DOCK5: variants seen among roughly 807,000 people sequenced by gnomAD.
DOCK5 encodes the protein dedicator of cytokinesis 5, also known as dedicator of cytokinesis protein 5.
In DOCK5, 142 loss-of-function variants were observed where a neutral mutation model predicts 251.8. That is an observed-to-expected ratio of 0.56 (90% confidence interval 0.49 to 0.65). The LOEUF is 0.65. Ranked by LOEUF, DOCK5 falls within the 30% of genes least tolerant of loss-of-function variation. The probability of loss-of-function intolerance (pLI) is 0.00; values close to 1 mark genes in which losing one functional copy is unlikely to be tolerated. For synonymous variants in DOCK5, 842 were observed against 835.5 expected (o/e 1.01, Z -0.13); for missense variants, 2,111 against 2,312.3 (o/e 0.91, Z 1.79).
intron 29 of DOCK5, 71 bp from the exon 30 acceptor site, chr8:25,364,555 C>A: frequency 8.5e-7 from 1 of 1,179,284 alleles, no homozygotes; most frequent in South Asian, 1.3e-5. Flanking sequence ...TGGTTTAGTT[C>A]TTAATATAGG....
intron 2 of DOCK5, among the ~76,000 whole-genome samples, chr8:25,246,367 G>A (rs565403490): frequency 2.0e-5 from 3 of 152,100 alleles, no homozygotes; most frequent in Non-Finnish European, 4.4e-5. Flanking sequence ...TCCGTCTCCC[G>A]AGTTCAAGCG....
In DOCK5 at chr8:25,332,320, T is replaced by C. The variant is rs746885952; in HGVS notation, c.1973T>C (p.Met658Thr). ...ATTAAACACAACCTAAAGAAGTTAA[T>C]GGAAGTGGATGGAGGAGAGATTGTT... ...QNIKHNLKKL[M>T]EVDGGEIVKF... is the part of the protein sequence containing the mutation. Residue 658 changes from methionine to threonine, a missense_variant, in exon 19 of 52, where the codon ATG becomes ACG. Met to Thr is a moderately conservative substitution (Grantham distance 81). Around this residue, in one of 3 missense-constraint regions of DOCK5, gnomAD observed 1,717 missense variants for 1,892.4 expected, o/e 0.91. Coordinates refer to ENST00000276440, the MANE Select transcript of DOCK5 (RefSeq NM_024940.8). The C allele has an allele frequency of 7.4e-6, 12 of 1,613,526 alleles. No homozygotes were observed. Among genetic ancestry groups the C allele is most frequent in the Non-Finnish European group, 1.0e-5 (12 of 1,179,618 alleles).
chr8:25,353,175 A>G (rs1800501029), intron 27 of DOCK5, among the ~76,000 whole-genome samples: 1 of 152,122 alleles, frequency 6.6e-6, no homozygotes, highest in Non-Finnish European at 1.5e-5. Flanking sequence ...CATCTCTACA[A>G]AAATTTTTTA....
At chr8:25,392,303 CAAAAA>C (rs11309985) in intron 43 of DOCK5, among the ~76,000 whole-genome samples, 1 of 116,344 alleles carries the variant, frequency 8.6e-6, no homozygotes, top group Non-Finnish European at 1.8e-5. Context: ...GACTTCGTCT[CAAAAA>C]AAAAAAAAAA....
At chr8:25,408,770 G>T (rs758445223) in intron 49 of DOCK5, 32 bp from the exon 50 acceptor site, 1 of 1,612,162 alleles carries the variant, frequency 6.2e-7, no homozygotes, top group Admixed American at 1.7e-5. Context: ...TCCTCACCGT[G>T]AAAATGTTTT....
intron 18 of DOCK5, among the ~76,000 whole-genome samples, chr8:25,331,795 TATATATAG>T (rs1194326562): frequency 1.9e-4 from 7 of 36,496 alleles, no homozygotes; most frequent in Admixed American, 8.9e-4. Context: ...TATATATATA[TATATATAG>T]AGAGAGAGAG....
At chr8:25,384,047 G>A (rs148151012) in intron 40 of DOCK5, among the ~76,000 whole-genome samples, 2 of 152,308 alleles carry the variant, frequency 1.3e-5, no homozygotes, top group Non-Finnish European at 2.9e-5. Context: ...CTGGTGATGG[G>A]ATAAACAAAC....
chr8:25,199,576 T>C (rs1801830185), intron 1 of DOCK5, among the ~76,000 whole-genome samples: 1 of 152,118 alleles, frequency 6.6e-6, no homozygotes, highest in Non-Finnish European at 1.5e-5. Context: ...AGAGACGGGG[T>C]TTCACCATGT....
At chr8:25,295,103 T>C (rs1804584794) in intron 6 of DOCK5, among the ~76,000 whole-genome samples, 1 of 152,156 alleles carries the variant, frequency 6.6e-6, no homozygotes, top group East Asian at 1.9e-4. Context: ...TACTGTATGC[T>C]ACATATAGTA....
intron 22 of DOCK5, 82 bp from the exon 23 acceptor site, chr8:25,340,795 G>A (rs1478714927): frequency 6.5e-6 from 7 of 1,072,288 alleles, no homozygotes; most frequent in Middle Eastern, 2.1e-4. Context: ...CGATGAAGGA[G>A]AAGTGAGGGA....
intron 16 of DOCK5, among the ~76,000 whole-genome samples, 175 bp downstream of exon 16, chr8:25,321,227 G>C (rs1345819009): frequency 6.6e-6 from 1 of 152,208 alleles, no homozygotes; most frequent in East Asian, 1.9e-4. Flanking sequence ...GGGCGTGCAA[G>C]GTCTGTGTTG....
intron 1 of DOCK5, among the ~76,000 whole-genome samples, chr8:25,234,088 A>G (rs189159452): frequency 2.4e-4 from 36 of 152,280 alleles, no homozygotes; most frequent in Non-Finnish European, 4.6e-4. Flanking sequence ...TTGTACTTGC[A>G]TTTTTTAGGT....
chr8:25,307,122 C>CTT (rs747987347), intron 11 of DOCK5, among the ~76,000 whole-genome samples: 5 of 145,478 alleles, frequency 3.4e-5, no homozygotes, highest in East Asian at 2.0e-4. Flanking sequence ...CATTAATAAT[C>CTT]TTTTTTTTTT....
chr8:25,236,909 T>C (rs1235255736), intron 1 of DOCK5, among the ~76,000 whole-genome samples: 1 of 152,158 alleles, frequency 6.6e-6, no homozygotes, highest in Non-Finnish European at 1.5e-5. Context: ...ATAGTCATCT[T>C]TGGAATATTA....
At chr8:25,229,059 C>G in intron 1 of DOCK5, among the ~76,000 whole-genome samples, 1 of 141,666 alleles carries the variant, frequency 7.1e-6, no homozygotes, top group East Asian at 2.1e-4. Flanking sequence ...AGTAAGACCT[C>G]ATGTCTACCA....
Position 25,318,058 on chromosome 8 carries a change from TTTTTCTTTTC to T in DOCK5, c.1443+941_1443+950del, listed in dbSNP as rs542180069. ...CCAGTGTTCCTCCAACTCTGGCAGC[TTTTTCTTTTC>T]TTTTCTTTTCTTTCTTTTGTTGCTG... On this transcript the variant is annotated intron_variant, in intron 14 of 51. Coordinates refer to ENST00000276440, the MANE Select transcript of DOCK5 (RefSeq NM_024940.8). Among the ~76,000 whole-genome samples, 664 of 152,146 alleles carry T rather than the reference TTTTTCTTTTC, an allele frequency of 4.4e-3. 2 individuals are homozygous for T. Among genetic ancestry groups the T allele is most frequent in the African/African-American group, 0.015 (637 of 41,510 alleles).
At chr8:25,289,304 T>TTTTG (rs75671599) in intron 5 of DOCK5, among the ~76,000 whole-genome samples, 10,450 of 151,480 alleles carry the variant, frequency 0.069, 488 homozygotes, top group Non-Finnish European at 0.11. Flanking sequence ...TTGGGGGGTT[T>TTTTG]TTTGTTTGTT....
At chr8:25,379,135 A>T (rs13268370) in intron 38 of DOCK5, among the ~76,000 whole-genome samples, 28,931 of 152,226 alleles carry the variant, frequency 0.19, 3,204 homozygotes, top group African/African-American at 0.3. Context: ...GTGCACGTAT[A>T]GTCTTGATAA....
chr8:25,278,893 T>C (rs1438843734), intron 5 of DOCK5, among the ~76,000 whole-genome samples: 1 of 152,214 alleles, frequency 6.6e-6, no homozygotes, highest in South Asian at 2.1e-4. Context: ...TTTTCTCAAA[T>C]GATAAACATG....
Sources: gnomAD v4.1 joint callset for allele counts (sites outside exome capture counted in the v4.1 genomes callset) on GRCh38, gnomAD v4.1.1 for gene constraint, gnomAD v4.1.1 regional missense constraint, MANE v1.5 for transcripts, NCBI Gene and HGNC (gene_info 2026-07-23, HGNC 2026-07-21) for gene names.